The following KCNIP4 variants were observed in gnomAD, a reference collection of about 807,000 sequenced individuals.
The protein encoded by KCNIP4 is potassium voltage-gated channel interacting protein 4.
A neutral mutation model predicts 34.0 loss-of-function variants in KCNIP4; 12 were observed. That is an observed-to-expected ratio of 0.35 (90% CI 0.23 to 0.57). The LOEUF is 0.57. Ranked by LOEUF, KCNIP4 falls within the 20% of genes least tolerant of loss-of-function variation. The pLI is 0.83. For synonymous variants in KCNIP4, 124 were observed against 102.2 expected (o/e 1.21, Z -1.29); for missense variants, 238 against 311.7 (o/e 0.76, Z 1.78).
chr4:21,024,593 G>A (rs2149753441), intron 1 of KCNIP4, among the ~76,000 whole-genome samples: 1 of 152,138 alleles, frequency 6.6e-6, no homozygotes, highest in East Asian at 1.9e-4. Context: ...ACCCCTATAT[G>A]TTTGAACCGT....
intron 1 of KCNIP4, among the ~76,000 whole-genome samples, chr4:21,340,677 G>GA (rs140619930): frequency 0.011 from 1,529 of 141,564 alleles, 27 homozygotes; most frequent in African/African-American, 0.037. Flanking sequence ...ATTCTACTCT[G>GA]AAAAAAAAAA....
intron 1 of KCNIP4, among the ~76,000 whole-genome samples, chr4:21,264,324 A>G (rs1202287061): frequency 6.6e-6 from 1 of 152,198 alleles, no homozygotes; most frequent in Non-Finnish European, 1.5e-5. Context: ...TATTTATCCA[A>G]CATCTAGATA....
chr4:21,501,494 T>C (rs746489051), intron 1 of KCNIP4, among the ~76,000 whole-genome samples: 1 of 152,078 alleles, frequency 6.6e-6, no homozygotes, highest in Non-Finnish European at 1.5e-5. Context: ...CAAAATTTCT[T>C]ATCAAGCTGA....
chr4:20,907,270 A>C (rs895917454), intron 1 of KCNIP4, among the ~76,000 whole-genome samples: 5 of 152,186 alleles, frequency 3.3e-5, no homozygotes, highest in Non-Finnish European at 7.3e-5. Flanking sequence ...AATTAAGAGG[A>C]TCCTCCATAG....
intron 1 of KCNIP4, among the ~76,000 whole-genome samples, chr4:20,916,988 TATATATATATATATATATATA>T (rs1560568200): frequency 0.044 from 1,332 of 30,350 alleles, 184 homozygotes; most frequent in Non-Finnish European, 0.057. Flanking sequence ...CTTATGTTTA[TATATATATATATATATATATA>T]TATATATATA....
intron 1 of KCNIP4, among the ~76,000 whole-genome samples, chr4:21,510,357 C>G (rs1018198217): frequency 6.6e-6 from 1 of 152,002 alleles, no homozygotes; most frequent in African/African-American, 2.4e-5. Context: ...AAAACAAGGA[C>G]TTTATTGATC....
At chr4:21,690,011 G>A (rs1019464076) in intron 1 of KCNIP4, among the ~76,000 whole-genome samples, 12 of 151,342 alleles carry the variant, frequency 7.9e-5, no homozygotes, top group African/African-American at 2.2e-4. Flanking sequence ...AATAAATAAC[G>A]TTAAGCATAG....
At chr4:21,062,951 C>G (rs1744056639) in intron 1 of KCNIP4, among the ~76,000 whole-genome samples, 2 of 152,104 alleles carry the variant, frequency 1.3e-5, no homozygotes, top group Non-Finnish European at 2.9e-5. Context: ...CAGACACACT[C>G]AGAATAATGT....
intron 1 of KCNIP4, among the ~76,000 whole-genome samples, chr4:21,572,194 T>C (rs528883249): frequency 6.6e-6 from 1 of 152,318 alleles, no homozygotes; most frequent in East Asian, 1.9e-4. Context: ...AAGAGACTGC[T>C]ACTTGTCAAA....
intron 1 of KCNIP4, among the ~76,000 whole-genome samples, chr4:21,516,889 A>T (rs1388529251): frequency 6.6e-6 from 1 of 152,160 alleles, no homozygotes; most frequent in Admixed American, 6.5e-5. Flanking sequence ...TGTGTCTGGG[A>T]AGAGTTTGGA....
chr4:21,743,646 A>G (rs937198804), intron 1 of KCNIP4, among the ~76,000 whole-genome samples: 2 of 151,084 alleles, frequency 1.3e-5, no homozygotes, highest in African/African-American at 2.4e-5. Context: ...TTTTTTTTGT[A>G]GGGGGAGGGG....
At chr4:21,614,212 C>T (rs1157058633) in intron 1 of KCNIP4, among the ~76,000 whole-genome samples, 1 of 151,212 alleles carries the variant, frequency 6.6e-6, no homozygotes, top group African/African-American at 2.4e-5. Context: ...AGAATGAGTA[C>T]AAACTGAAAA....
At chr4:21,917,083 A>G (rs1447039610) in intron 1 of KCNIP4, among the ~76,000 whole-genome samples, 2 of 152,108 alleles carry the variant, frequency 1.3e-5, no homozygotes, top group East Asian at 3.9e-4. Context: ...TAGTGTGATC[A>G]TGTCATTAAT....
At chr4:20,904,399 A>C (rs1341088170) in intron 1 of KCNIP4, among the ~76,000 whole-genome samples, 1 of 150,914 alleles carries the variant, frequency 6.6e-6, no homozygotes, top group African/African-American at 2.4e-5. Flanking sequence ...TATGGGCATA[A>C]AAATTTCATT....
intron 1 of KCNIP4, among the ~76,000 whole-genome samples, chr4:21,544,079 C>T (rs1255391106): frequency 2.0e-5 from 3 of 152,058 alleles, no homozygotes; most frequent in African/African-American, 7.2e-5. Flanking sequence ...AGTACTGATC[C>T]CATTTCTCTG....
At chr4:20,858,697 T>A (rs1721887536) in intron 2 of KCNIP4, among the ~76,000 whole-genome samples, 2 of 152,172 alleles carry the variant, frequency 1.3e-5, no homozygotes, top group South Asian at 4.1e-4. Flanking sequence ...CAGCCCAAAG[T>A]CCAGGTTACT....
At chr4:21,095,546 C>T (rs1167591650) in intron 1 of KCNIP4, among the ~76,000 whole-genome samples, 1 of 152,000 alleles carries the variant, frequency 6.6e-6, no homozygotes, top group Non-Finnish European at 1.5e-5. Flanking sequence ...TTATTTAAAA[C>T]ATGAATGAAA....
chr4:21,553,953 A>T (rs1250800989), intron 1 of KCNIP4, among the ~76,000 whole-genome samples: 1 of 152,128 alleles, frequency 6.6e-6, no homozygotes, highest in East Asian at 1.9e-4. Context: ...TAAGAGAGTG[A>T]CATATCTTTC....
intron 1 of KCNIP4, among the ~76,000 whole-genome samples, chr4:21,921,066 G>T (rs951126719): frequency 1.3e-5 from 2 of 151,944 alleles, no homozygotes; most frequent in Non-Finnish European, 2.9e-5. Flanking sequence ...TCCTTGTTTA[G>T]CTTCTCTGAT....
Sources: allele counts gnomAD v4.1 joint callset (sites outside exome capture counted in the v4.1 genomes callset), GRCh38; gene constraint gnomAD v4.1.1; transcripts MANE v1.5; gene names NCBI Gene and HGNC (gene_info 2026-07-23, HGNC 2026-07-21).